The following NKAIN2 variants were observed in gnomAD, a reference collection of about 807,000 sequenced individuals.
NKAIN2 encodes the protein sodium/potassium-transporting ATPase subunit beta-1-interacting protein 2.
NKAIN2 carries 14 observed loss-of-function variants against 32.6 expected under a neutral mutation model. That is an observed-to-expected ratio of 0.43 (90% CI 0.28 to 0.67). The LOEUF (loss-of-function observed/expected upper bound fraction) is 0.67, where lower values mean the gene tolerates loss of function less well. Ranked by LOEUF, NKAIN2 falls within the 30% of genes least tolerant of loss-of-function variation. The probability of loss-of-function intolerance (pLI) is 0.17; values close to 1 mark genes in which losing one functional copy is unlikely to be tolerated. For synonymous variants in NKAIN2, 80 were observed against 87.2 expected (o/e 0.92, Z 0.46); for missense variants, 198 against 258.3 (o/e 0.77, Z 1.60).
intron 1 of NKAIN2, among the ~76,000 whole-genome samples, chr6:124,028,832 CA>C (rs1562317221): frequency 2.2e-4 from 31 of 138,774 alleles, no homozygotes; most frequent in African/African-American, 8.3e-4. Flanking sequence ...TATATATATA[CA>C]TATATATGTA....
intron 1 of NKAIN2, among the ~76,000 whole-genome samples, chr6:124,061,476 G>T (rs1473893651): frequency 6.6e-6 from 1 of 151,922 alleles, no homozygotes; most frequent in Non-Finnish European, 1.5e-5. Flanking sequence ...TTCTGTAGGG[G>T]GATTCCATTT....
chr6:124,725,350 C>A (rs1056466374), intron 4 of NKAIN2, among the ~76,000 whole-genome samples: 1 of 152,132 alleles, frequency 6.6e-6, no homozygotes, highest in African/African-American at 2.4e-5. Flanking sequence ...GCAATCCTCC[C>A]ACCTTGGCCT....
chr6:124,578,459 T>C (rs561392642), intron 3 of NKAIN2, among the ~76,000 whole-genome samples: 63 of 152,110 alleles, frequency 4.1e-4, no homozygotes, highest in African/African-American at 1.5e-3. Context: ...CCTGGATCTA[T>C]GCCAGCCACA....
intron 3 of NKAIN2, among the ~76,000 whole-genome samples, chr6:124,596,666 GTGTGTGT>G (rs1782102119): frequency 3.6e-5 from 3 of 84,420 alleles, no homozygotes; most frequent in Non-Finnish European, 7.9e-5. Flanking sequence ...ACCATAGGGT[GTGTGTGT>G]GTGTGTGTGT....
At chr6:124,529,728 T>C (rs1365150266) in intron 3 of NKAIN2, among the ~76,000 whole-genome samples, 6 of 152,316 alleles carry the variant, frequency 3.9e-5, no homozygotes, top group Admixed American at 3.3e-4. Context: ...TAGTCAAGAA[T>C]AGCAGATGTT....
chr6:124,229,325 A>G (rs1359792009), intron 1 of NKAIN2, among the ~76,000 whole-genome samples: 1 of 152,152 alleles, frequency 6.6e-6, no homozygotes, highest in Non-Finnish European at 1.5e-5. Flanking sequence ...GATTCACTTG[A>G]CCTAGCCATG....
At chr6:124,065,924 G>A (rs1317447676) in intron 1 of NKAIN2, among the ~76,000 whole-genome samples, 1 of 152,072 alleles carries the variant, frequency 6.6e-6, no homozygotes, top group Non-Finnish European at 1.5e-5. Flanking sequence ...TACACACGTA[G>A]CTATAGATAC....
intron 5 of NKAIN2, among the ~76,000 whole-genome samples, chr6:124,807,490 G>C (rs1270475388): frequency 6.6e-6 from 1 of 151,138 alleles, no homozygotes; most frequent in Admixed American, 6.6e-5. Flanking sequence ...ATTCAAAGCA[G>C]TGTGTAGAGG....
rs146881327 is a variant in NKAIN2 at position 124,385,750 on chromosome 6, C to G, written c.273+30403C>G. Among the ~76,000 whole-genome samples the G allele has an allele frequency of 5.4e-3, 819 of 152,090 alleles. 4 individuals are homozygous for G. Among genetic ancestry groups the G allele is most frequent in the African/African-American group, 0.018 (765 of 41,492 alleles). ...TGAACATATCTATCTCATGAGTAGC[C>G]AAGATCTACCCCCTCTCAAATGCTG... On this transcript the variant is annotated intron_variant, in intron 3 of 6. Transcript: ENST00000368417.
At chr6:124,360,197 C>G (rs766250502) in intron 3 of NKAIN2, among the ~76,000 whole-genome samples, 1 of 152,040 alleles carries the variant, frequency 6.6e-6, no homozygotes, top group Non-Finnish European at 1.5e-5. Flanking sequence ...GAGGATTTTT[C>G]ATCGATGTTC....
chr6:124,041,610 T>C, intron 1 of NKAIN2, among the ~76,000 whole-genome samples: 1 of 152,212 alleles, frequency 6.6e-6, no homozygotes, highest in East Asian at 1.9e-4. Context: ...TGAGTTTGTT[T>C]ATTTTACTAC....
intron 4 of NKAIN2, among the ~76,000 whole-genome samples, chr6:124,689,117 C>G (rs1774137086): frequency 6.6e-6 from 1 of 152,108 alleles, no homozygotes; most frequent in Non-Finnish European, 1.5e-5. Context: ...AGTTCCTCTT[C>G]CTCCACATCC....
At chr6:124,637,105 A>G in intron 3 of NKAIN2, among the ~76,000 whole-genome samples, 1 of 152,104 alleles carries the variant, frequency 6.6e-6, no homozygotes, top group East Asian at 1.9e-4. Flanking sequence ...AATAAATGTG[A>G]TGCATTATAT....
chr6:123,981,098 A>G (rs1193387963), intron 1 of NKAIN2, among the ~76,000 whole-genome samples: 1 of 151,974 alleles, frequency 6.6e-6, no homozygotes, highest in Admixed American at 6.6e-5. Flanking sequence ...CAATCTCCTG[A>G]CCTTGTGATT....
At chr6:124,209,487 G>A (rs371589275) in intron 1 of NKAIN2, among the ~76,000 whole-genome samples, 6 of 151,746 alleles carry the variant, frequency 4.0e-5, no homozygotes, top group East Asian at 3.9e-4. Context: ...TTTCTGGATC[G>A]TATGTTAGTT....
chr6:124,083,854 A>G (rs952398549), intron 1 of NKAIN2, among the ~76,000 whole-genome samples: 2 of 152,004 alleles, frequency 1.3e-5, no homozygotes, highest in African/African-American at 4.8e-5. Context: ...GGTTACAGAG[A>G]GCATGATTTT....
In NKAIN2 at chr6:123,811,472, A is replaced by G. The variant is rs7770913; in HGVS notation, c.54+7218A>G. 8.0e-3 allele frequency among the ~76,000 whole-genome samples: 1,134 copies of G among 142,144 alleles called. 12 individuals are homozygous for G. Among genetic ancestry groups the G allele is most frequent in the African/African-American group, 0.031 (1,026 of 33,592 alleles). The allele number at this position is 142,144 out of a possible 152,430, so 93.3% of individuals were successfully genotyped here. ...GAGAAAGAGAGAGAGAGAGACTGAA[A>G]AAGTACTGGGCTAAGTTAGAAGCTG... On this transcript the variant is annotated intron_variant, in intron 1 of 6. Coordinates refer to ENST00000368417, the MANE Select transcript of NKAIN2 (RefSeq NM_001040214.3).
chr6:124,664,153 T>C (rs1772645298), intron 4 of NKAIN2, among the ~76,000 whole-genome samples: 4 of 152,026 alleles, frequency 2.6e-5, no homozygotes, highest in Admixed American at 2.6e-4. Flanking sequence ...CGGATGCATG[T>C]CATCCCAGCT....
intron 3 of NKAIN2, among the ~76,000 whole-genome samples, chr6:124,625,192 T>C (rs902323172): frequency 6.6e-6 from 1 of 151,096 alleles, no homozygotes; most frequent in Non-Finnish European, 1.5e-5. Context: ...AGAAAGAATA[T>C]GAACATAAAT....
Sources: gnomAD v4.1 joint callset for allele counts (sites outside exome capture counted in the v4.1 genomes callset) on GRCh38, gnomAD v4.1.1 for gene constraint, MANE v1.5 for transcripts, NCBI Gene and HGNC (gene_info 2026-07-23, HGNC 2026-07-21) for gene names.